Variants in JMJD1C observed in about 807,000 individuals in gnomAD.
JMJD1C encodes the protein jumonji domain containing 1C.
Under a neutral mutation model 245.3 loss-of-function variants are expected in JMJD1C, and 31 were observed. That is an observed-to-expected ratio of 0.13 (90% CI 0.09 to 0.17). The LOEUF is 0.17. JMJD1C is among the 10% of genes least tolerant of loss of function. The pLI is 1.00. For synonymous variants in JMJD1C, 1,057 were observed against 1,017.4 expected, an observed-to-expected ratio of 1.04 and a Z score of -0.74; for missense variants, 2,691 against 3,000.2, an observed-to-expected ratio of 0.90 and a Z score of 2.41.
At chr10:63,305,292 C>T (rs1164988148) in intron 2 of JMJD1C, among the ~76,000 whole-genome samples, 2 of 149,790 alleles carry the variant, frequency 1.3e-5, no homozygotes, top group Admixed American at 6.8e-5. Context: ...CGCTTGAACC[C>T]GGAAGGCAGA....
chr10:63,388,491 G>T (rs1213555127), intron 1 of JMJD1C, among the ~76,000 whole-genome samples: 1 of 152,168 alleles, frequency 6.6e-6, no homozygotes, highest in Non-Finnish European at 1.5e-5. Context: ...AAAGGAGTCT[G>T]ATGCTGGGAA....
chr10:63,245,164 T>C, intron 3 of JMJD1C, among the ~76,000 whole-genome samples: 1 of 136,620 alleles, frequency 7.3e-6, no homozygotes, highest in East Asian at 2.1e-4. Flanking sequence ...AAAAGAGAGA[T>C]TAAAAAAAAT....
chr10:63,447,840 C>G (rs2719813), intron 1 of JMJD1C, among the ~76,000 whole-genome samples: 149,034 of 152,050 alleles, frequency 0.98, 73,098 homozygotes, highest in Middle Eastern at 1. Context: ...TTGGGAGGCT[C>G]AGGCAGGAGA....
At chr10:63,293,353 C>T (rs1042970506) in intron 2 of JMJD1C, among the ~76,000 whole-genome samples, 11 of 152,256 alleles carry the variant, frequency 7.2e-5, no homozygotes, top group African/African-American at 2.4e-4. Flanking sequence ...TCTTTCTGCT[C>T]TCACAGAGCT....
intron 21 of JMJD1C, among the ~76,000 whole-genome samples, 195 bp from the exon 22 acceptor site, chr10:63,183,764 A>G (rs1843758140): frequency 6.6e-6 from 1 of 152,244 alleles, no homozygotes; most frequent in South Asian, 2.1e-4. Context: ...TTTCTATAAT[A>G]AAATGTACTA....
intron 1 of JMJD1C, chr10:63,427,838 C>T (rs753204173): frequency 3.9e-6 from 4 of 1,025,556 alleles, no homozygotes; most frequent in Non-Finnish European, 6.2e-6. Flanking sequence ...CTTGTTGAGA[C>T]AGCCAAGGAA....
At position 63,292,144 on chromosome 10, in the gene JMJD1C, ATT is replaced by A. The variant is rs573065816; in HGVS notation, c.334-27382_334-27381del. Among the ~76,000 whole-genome samples, 209 of 56,342 alleles carry A rather than the reference ATT, an allele frequency of 3.7e-3. 8 individuals carry two copies. In the Middle Eastern group the frequency reaches 0.053, roughly 14 times the overall value. 37.0% of individuals were successfully genotyped at this position (56,342 alleles called of 152,430 possible). A position where few individuals can be genotyped will look rare whatever the true frequency, so the allele number is the denominator to read the frequency against. On this transcript the variant is annotated intron_variant, in intron 2 of 25. Transcript: ENST00000399262. ...TTTTTTTTAGTTTCTGTAGAGACAG[ATT>A]TTTTTTTTTTTTTTTTTGCCTAGGC...
At chr10:63,260,288 C>T (rs1401227481) in intron 3 of JMJD1C, among the ~76,000 whole-genome samples, 2 of 152,100 alleles carry the variant, frequency 1.3e-5, no homozygotes, top group Admixed American at 1.3e-4. Flanking sequence ...ACAAGCCAGA[C>T]CAAGCCAGGT....
At chr10:63,299,100 A>G (rs961743608) in intron 2 of JMJD1C, among the ~76,000 whole-genome samples, 6 of 152,194 alleles carry the variant, frequency 3.9e-5, no homozygotes, top group Non-Finnish European at 7.3e-5. Context: ...TACTAAGTCT[A>G]TATCAAACAC....
chr10:63,371,168 A>C (rs1311066459), intron 2 of JMJD1C, among the ~76,000 whole-genome samples: 1 of 141,900 alleles, frequency 7.0e-6, no homozygotes, highest in East Asian at 2.0e-4. Flanking sequence ...TTTGGTAGGG[A>C]TGAGGGTATA....
At chr10:63,439,702 T>C (rs762256053) in intron 1 of JMJD1C, among the ~76,000 whole-genome samples, 2 of 152,150 alleles carry the variant, frequency 1.3e-5, no homozygotes, top group South Asian at 2.1e-4. Context: ...AGGTAAATAA[T>C]TGAAAAACAG....
chr10:63,426,048 C>T (rs1296608318), intron 1 of JMJD1C, among the ~76,000 whole-genome samples: 1 of 151,984 alleles, frequency 6.6e-6, no homozygotes, highest in Admixed American at 6.6e-5. Context: ...ATTTATTTTT[C>T]GGTAAGATGT....
At chr10:63,284,680 T>C (rs1317822681) in intron 2 of JMJD1C, among the ~76,000 whole-genome samples, 1 of 152,166 alleles carries the variant, frequency 6.6e-6, no homozygotes, top group Non-Finnish European at 1.5e-5. Flanking sequence ...ATTCAATATT[T>C]AACATTGAAA....
chr10:63,266,543 C>T (rs1479625207), intron 2 of JMJD1C, among the ~76,000 whole-genome samples: 2 of 152,220 alleles, frequency 1.3e-5, no homozygotes, highest in Middle Eastern at 3.4e-3. Flanking sequence ...CTGATCCCTA[C>T]TGTAAAAAAT....
chr10:63,505,056 T>C (rs1383034881), intron 1 of JMJD1C, among the ~76,000 whole-genome samples: 1 of 152,170 alleles, frequency 6.6e-6, no homozygotes, highest in Non-Finnish European at 1.5e-5. Flanking sequence ...CTCACGCCTA[T>C]AACCCCAGCA....
intron 10 of JMJD1C, chr10:63,202,669 C>G (rs1291969428): frequency 1.0e-6 from 1 of 985,296 alleles, no homozygotes; most frequent in Non-Finnish European, 1.2e-6. Context: ...TAGAGAAACA[C>G]CCATGTGTAT....
Position 63,215,366 on chromosome 10 carries a change from C to T in JMJD1C, c.912G>A (p.Gln304=), listed in dbSNP as rs1474603078. Residue 304 remains glutamine (Q), a synonymous_variant, in exon 7 of 26, where the codon CAG becomes CAA. Coordinates refer to ENST00000399262, the MANE Select transcript of JMJD1C (RefSeq NM_032776.3). The part of the protein sequence containing the change: ...AVPKQNTHQQ[Q]QQRSIRPNKR... ...TATTTGGACGGATACTTCTTTGTTG[C>T]TGTTGCTGGTGTGTATTCTGTTTTG... 3 of 1,614,038 alleles carry T rather than the reference C, an allele frequency of 1.9e-6. No homozygotes were observed. Among genetic ancestry groups the T allele is most frequent in the East Asian group, 2.2e-5 (1 of 44,880 alleles).
intron 2 of JMJD1C, among the ~76,000 whole-genome samples, chr10:63,331,222 A>C (rs767567568): frequency 6.6e-6 from 1 of 152,198 alleles, no homozygotes; most frequent in Non-Finnish European, 1.5e-5. Flanking sequence ...TTGTGCATGT[A>C]ATCAGCTCAT....
chr10:63,241,990 G>A (rs2133513465), intron 3 of JMJD1C, among the ~76,000 whole-genome samples: 1 of 152,228 alleles, frequency 6.6e-6, no homozygotes, highest in East Asian at 1.9e-4. Flanking sequence ...AAGCTAACGG[G>A]GTTCCTGCTT....
Sources: gnomAD v4.1 joint callset for allele counts (sites outside exome capture counted in the v4.1 genomes callset) on GRCh38, gnomAD v4.1.1 for gene constraint, MANE v1.5 for transcripts, NCBI Gene and HGNC (gene_info 2026-07-23, HGNC 2026-07-21) for gene names.